Variants in GK5 observed in about 807,000 individuals in gnomAD.
GK5 encodes the protein ATP:glycerol 3-phosphotransferase 5.
Under a neutral mutation model 77.3 loss-of-function variants are expected in GK5, and 39 were observed. That is an observed-to-expected ratio of 0.50 (90% CI 0.39 to 0.66). The LOEUF is 0.66. Ranked by LOEUF, GK5 falls within the 30% of genes least tolerant of loss-of-function variation. GK5 has a pLI of 0.00. For synonymous variants in GK5, 211 were observed against 208.0 expected, an observed-to-expected ratio of 1.01 and a Z score of -0.13; for missense variants, 487 against 633.8, an observed-to-expected ratio of 0.77 and a Z score of 2.49.
chr3:142,179,082 G>A (rs889445795), intron 11 of GK5, among the ~76,000 whole-genome samples: 12 of 152,134 alleles, frequency 7.9e-5, no homozygotes, highest in Non-Finnish European at 7.3e-5. Flanking sequence ...TGAGTATGTA[G>A]GACTGAACAG....
rs1158380059 is a variant in GK5 at position 142,170,496 on chromosome 3, CA to C, written c.1308-39del. On this transcript the variant is annotated intron_variant, in intron 14 of 15. Coordinates refer to ENST00000392993, the MANE Select transcript of GK5 (RefSeq NM_001039547.3). ...AAATATGTAAGATGAATTACTACAA[CA>C]AAAGTATCATTCTTTTTCAGTGGGC... 2.0e-6 allele frequency: 3 copies of C among 1,537,736 alleles called. No homozygotes were observed. In the East Asian group the frequency reaches 6.9e-5, roughly 35 times the overall value.
chr3:142,206,767 C>T (rs114186296), intron 3 of GK5, among the ~76,000 whole-genome samples: 2 of 152,302 alleles, frequency 1.3e-5, no homozygotes, highest in African/African-American at 4.8e-5. Flanking sequence ...AATCTCAACC[C>T]TATTCAATGG....
At chr3:142,195,076 A>T (rs2063913972) in intron 5 of GK5, among the ~76,000 whole-genome samples, 1 of 151,892 alleles carries the variant, frequency 6.6e-6, no homozygotes, top group Non-Finnish European at 1.5e-5. Flanking sequence ...TATCATGAAG[A>T]GGGGCTAGAT....
rs370416124 is a variant in GK5 at position 142,173,833 on chromosome 3, C to T, written c.1144-1377G>A. ...AAATGGTCATTTCAAGGACATCCAG[C>T]GCTGTCAGGAAATTATGATCCTCAG... On this transcript the variant is annotated intron_variant, in intron 12 of 15. Transcript: ENST00000392993. Among the ~76,000 whole-genome samples, 18 of 152,306 alleles carry T rather than the reference C, an allele frequency of 1.2e-4. No individual in the cohort carries two copies. In the East Asian group the frequency reaches 1.9e-3, roughly 16 times the overall value.
At chr3:142,186,159 T>C (rs765835931) in intron 8 of GK5, 35 bp downstream of exon 8, 65 of 1,321,242 alleles carry the variant, frequency 4.9e-5, no homozygotes, top group Non-Finnish European at 6.1e-5. Flanking sequence ...TCAAGAACCA[T>C]TGTGCTGGTT....
intron 5 of GK5, among the ~76,000 whole-genome samples, chr3:142,188,760 C>T (rs1349454459): frequency 6.6e-6 from 1 of 152,168 alleles, no homozygotes; most frequent in Non-Finnish European, 1.5e-5. Context: ...CATTTGTTGC[C>T]TACGGCTGCT....
intron 5 of GK5, among the ~76,000 whole-genome samples, chr3:142,190,398 T>C (rs1298831795): frequency 6.6e-6 from 1 of 152,044 alleles, no homozygotes; most frequent in Admixed American, 6.5e-5. Flanking sequence ...AATCAACAAC[T>C]CTCCTTAGAT....
At chr3:142,197,069 C>A (rs1409567856) in intron 5 of GK5, among the ~76,000 whole-genome samples, 1 of 152,216 alleles carries the variant, frequency 6.6e-6, no homozygotes, top group South Asian at 2.1e-4. Context: ...TGCCTGTAGT[C>A]CCAGCTACTC....
intron 5 of GK5, among the ~76,000 whole-genome samples, chr3:142,194,387 G>T (rs998191315): frequency 1.3e-5 from 2 of 152,084 alleles, no homozygotes; most frequent in South Asian, 2.1e-4. Flanking sequence ...TTAGCTGGGC[G>T]TTGTGGCGCA....
chr3:142,181,898 T>C (rs1363705473), intron 10 of GK5, among the ~76,000 whole-genome samples: 1 of 152,340 alleles, frequency 6.6e-6, no homozygotes, highest in East Asian at 1.9e-4. Flanking sequence ...CATGTCTACA[T>C]CTCTAGAAAT....
At chr3:142,223,787 G>A (rs1223451025) in intron 1 of GK5, among the ~76,000 whole-genome samples, 4 of 152,200 alleles carry the variant, frequency 2.6e-5, no homozygotes, top group South Asian at 2.1e-4. Flanking sequence ...GCAGTGAGCC[G>A]AGATCATGCC....
At chr3:142,184,372 T>TA (rs1302714978) in intron 9 of GK5, among the ~76,000 whole-genome samples, 1 of 149,142 alleles carries the variant, frequency 6.7e-6, no homozygotes, top group Non-Finnish European at 1.5e-5. Flanking sequence ...TTAGTCAAAA[T>TA]AACCAACCCT....
intron 1 of GK5, among the ~76,000 whole-genome samples, chr3:142,223,983 A>C (rs1560242964): frequency 6.6e-6 from 1 of 151,768 alleles, no homozygotes; most frequent in Non-Finnish European, 1.5e-5. Context: ...AGGTGGTGGG[A>C]AGAAGAACGG....
At chr3:142,205,028 C>A (rs1427695787) in intron 3 of GK5, among the ~76,000 whole-genome samples, 1 of 152,102 alleles carries the variant, frequency 6.6e-6, no homozygotes, top group Non-Finnish European at 1.5e-5. Flanking sequence ...AAGGAAAAGG[C>A]CTTTGAAGAC....
In GK5 at chr3:142,224,999, C is replaced by T. The variant is rs569655619; in HGVS notation, c.147+310G>A. Among the ~76,000 whole-genome samples, 3 of 152,324 alleles carry T rather than the reference C, an allele frequency of 2.0e-5. No individual in the cohort carries two copies. The East Asian group carries it at 5.8e-4, about 29-fold the overall frequency. ...GTCCCGTCCGGCGAGTCACCTCAGT[C>T]CCATCCAGGTAAGGCCGGACAGGTG... is the stretch of plus-strand genomic sequence containing the variant. On this transcript the variant is annotated intron_variant, in intron 1 of 15. Transcript: ENST00000392993.
At chr3:142,176,633 C>T (rs550016135) in intron 12 of GK5, among the ~76,000 whole-genome samples, 1 of 148,270 alleles carries the variant, frequency 6.7e-6, no homozygotes, top group South Asian at 2.1e-4. Flanking sequence ...TACTCCACCA[C>T]AACAATTAAT....
At chr3:142,198,743 G>T in intron 5 of GK5, 59 bp downstream of exon 5, 1 of 1,414,652 alleles carries the variant, frequency 7.1e-7, no homozygotes, top group Non-Finnish European at 9.5e-7. Flanking sequence ...CTTCCCCATA[G>T]TCTTTATATG....
At chr3:142,171,354 G>T in intron 14 of GK5, 65 bp downstream of exon 14, 1 of 1,347,524 alleles carries the variant, frequency 7.4e-7, no homozygotes, top group Non-Finnish European at 9.8e-7. Flanking sequence ...ATGAGTGGTA[G>T]CTCATAGCAG....
At chr3:142,180,135 G>A (rs9860104) in intron 11 of GK5, among the ~76,000 whole-genome samples, 22,488 of 152,012 alleles carry the variant, frequency 0.15, 1,696 homozygotes, top group Admixed American at 0.18. Context: ...CAAGCTAAGA[G>A]TATGGGGGGA....
Sources: gnomAD v4.1 joint callset for allele counts (sites outside exome capture counted in the v4.1 genomes callset) on GRCh38, gnomAD v4.1.1 for gene constraint, MANE v1.5 for transcripts, NCBI Gene and HGNC (gene_info 2026-07-23, HGNC 2026-07-21) for gene names.